Variants in HELB observed in about 807,000 individuals in gnomAD.
HELB encodes the protein DNA helicase B.
In HELB, 96 loss-of-function variants were observed where a neutral mutation model predicts 101.7. The ratio of observed to expected loss-of-function variants is 0.94; its 90% CI spans 0.80 to 1.12. The LOEUF (loss-of-function observed/expected upper bound fraction) is 1.12, where lower values mean the gene tolerates loss of function less well. Among genes scored for constraint, HELB ranks in the 50% most tolerant of loss-of-function variants. The pLI is 0.00. For synonymous variants in HELB, 437 were observed against 459.7 expected, an observed-to-expected ratio of 0.95 and a Z score of 0.63; for missense variants, 1,210 against 1,291.9, an observed-to-expected ratio of 0.94 and a Z score of 0.97.
chr12:66,302,520 A>T lies in HELB; in HGVS notation c.-84A>T. On this transcript the variant is annotated 5_prime_UTR_variant, in exon 1 of 13. Coordinates refer to ENST00000247815, the MANE Select transcript of HELB (RefSeq NM_001370285.1). ...GCCGTTCCCGGAAGTTGATGGCCTT[A>T]CAGTCGTAGAACTGATTGGCTGATC... is the stretch of plus-strand genomic sequence containing the variant. 7.8e-7 allele frequency: 1 copy of T among 1,275,932 alleles called. No individual in the cohort carries two copies. Among genetic ancestry groups the T allele is most frequent in the Non-Finnish European group, 1.1e-6 (1 of 922,150 alleles). 79.0% of individuals were successfully genotyped at this position (1,275,932 alleles called of 1,614,324 possible).
chr12:66,330,759 T>C (rs1451034116), intron 11 of HELB, among the ~76,000 whole-genome samples: 2 of 149,952 alleles, frequency 1.3e-5, no homozygotes, highest in Non-Finnish European at 3.0e-5. Flanking sequence ...ATATAATATA[T>C]CTATATGTTT....
Position 66,306,412 on chromosome 12 carries a change from GC to G in HELB, c.677del (p.Pro226LeufsTer8). On this transcript the variant is annotated frameshift_variant, in exon 3 of 13. Transcript: ENST00000247815. LOFTEE classifies it high-confidence loss of function. ...TAATGGAATTCCTTCCAGTTCTTCT[GC>G]CTCGACACTTTAAATGGATCATAGG... ...KIMEFLPVLL[P>X]RHFKWIIGSG... 6.2e-7 allele frequency: 1 copy of G among 1,609,624 alleles called. No individual in the cohort carries two copies. The highest frequency in any genetic ancestry group is 1.1e-5 in the South Asian group (1 of 90,244).
Position 66,324,180 on chromosome 12 carries a change from T to A in HELB, c.2495T>A (p.Leu832Gln), listed in dbSNP as rs1226007704. The A allele has an allele frequency of 6.2e-7, 1 of 1,612,814 alleles. No homozygotes were observed. The highest frequency in any genetic ancestry group is 1.7e-5 in the Admixed American group (1 of 59,994). Residue 832 changes from leucine to glutamine, a missense_variant, in exon 10 of 13, where the codon CTG (leucine) becomes CAG (glutamine). Transcript: ENST00000247815. Reference protein sequence around the residue: ...NKRDFESNVRLCNGEIFFITN... With the variant: ...NKRDFESNVRQCNGEIFFITN... ...CGTGACTTTGAAAGTAACGTTCGAC[T>A]GTGCAATGGAGAGATATTTTTCATA...
chr12:66,331,577 C>T lies in HELB; in HGVS notation c.3094C>T (p.Pro1032Ser), dbSNP rs760164483. ...TGGAGTAGATACAGATGATGATTTA[C>T]CAAAATCGCGAGCATCCAAAAGAAC... is the stretch of plus-strand genomic sequence containing the variant. The part of the protein sequence containing the change: ...PDGVDTDDDL[P>S]KSRASKRTCG... The change falls in exon 12 of 13, where the codon CCA (proline) becomes TCA (serine). Residue 1032 changes from proline to serine, a missense_variant. Transcript: ENST00000247815. 5.0e-6 allele frequency: 8 copies of T among 1,612,952 alleles called. No homozygotes were observed. The highest frequency in any genetic ancestry group is 6.8e-6 in the Non-Finnish European group (8 of 1,179,958).
At position 66,302,649 on chromosome 12, in the gene HELB, C is replaced by T. The variant is rs770460070; in HGVS notation, c.46C>T (p.Leu16Phe). ...PYLRQLQGPL[L>F]PPRDLVEEDD... ...CCTGCGCCAACTTCAGGGACCTCTG[C>T]TCCCACCCAGGGATCTGGTGGAGGA... is the stretch of plus-strand genomic sequence containing the variant. Residue 16 changes from leucine (L) to phenylalanine (F), a missense_variant, in exon 1 of 13, where the codon CTC becomes TTC. By Grantham distance (22) the Leu-to-Phe change is conservative. Transcript: ENST00000247815. 4 of 1,614,138 alleles carry T rather than the reference C, an allele frequency of 2.5e-6. No homozygotes were observed. The highest frequency in any genetic ancestry group is 3.4e-6 in the Non-Finnish European group (4 of 1,179,990).
chr12:66,326,768 A>G (rs923119703), intron 11 of HELB, among the ~76,000 whole-genome samples: 15 of 150,118 alleles, frequency 1.0e-4, no homozygotes, highest in African/African-American at 3.7e-4. Flanking sequence ...GTGGTGGCTC[A>G]CGCTTGTAAT....
chr12:66,325,857 T>C (rs752084313), intron 11 of HELB, among the ~76,000 whole-genome samples: 14 of 152,136 alleles, frequency 9.2e-5, no homozygotes, highest in Non-Finnish European at 1.8e-4. Context: ...TGAGGCAACC[T>C]TTTATCCCCC....
intron 12 of HELB, among the ~76,000 whole-genome samples, chr12:66,335,004 G>T (rs184170574): frequency 6.6e-5 from 10 of 152,218 alleles, no homozygotes; most frequent in Admixed American, 5.9e-4. Context: ...AGGTAAAAGA[G>T]AAAGTAATCC....
chr12:66,323,864 T>C, intron 9 of HELB, 119 bp from the exon 10 acceptor site: 1 of 686,958 alleles, frequency 1.5e-6, no homozygotes. Context: ...GAAAGTGTTG[T>C]AAATAAAATG....
Position 66,309,717 on chromosome 12 carries a change from AGAGT to A in HELB, c.791_794del (p.Glu264GlyfsTer11). On this transcript the variant is annotated frameshift_variant, in exon 4 of 13. Coordinates refer to ENST00000247815, the MANE Select transcript of HELB (RefSeq NM_001370285.1). LOFTEE classifies it high-confidence loss of function. ...TTTATTTCTTAAAGATAACCTACAG[AGAGT>A]GGAAACTCCTGCGATGTGAGGCAAG... is the stretch of plus-strand genomic sequence containing the variant. 6.2e-7 allele frequency: 1 copy of A among 1,604,438 alleles called. No individual in the cohort carries two copies. Among genetic ancestry groups the A allele is most frequent in the South Asian group, 1.1e-5 (1 of 90,152 alleles).
chr12:66,337,321 A>G (rs1446500999), intron 12 of HELB, among the ~76,000 whole-genome samples: 5 of 152,166 alleles, frequency 3.3e-5, no homozygotes, highest in Admixed American at 6.5e-5. Flanking sequence ...TCTCAGGAAA[A>G]TATCTTTTTC....
In HELB at chr12:66,324,030, G is replaced by T. The variant is rs375704546; in HGVS notation, c.2345G>T (p.Cys782Phe). The change falls in exon 10 of 13, where the codon TGT (cysteine) becomes TTT (phenylalanine). Residue 782 changes from cysteine to phenylalanine, a missense_variant. Cys to Phe is a radical substitution (Grantham distance 205). Coordinates refer to ENST00000247815, the MANE Select transcript of HELB (RefSeq NM_001370285.1). ...LVFGIGDKIC[C>F]TRNAYLSDLL... ...TTTGGAATTGGTGATAAAATTTGTT[G>T]TACCAGGAATGCATACCTCTCAGAC... 2.6e-5 allele frequency: 42 copies of T among 1,613,396 alleles called. No individual in the cohort carries two copies. The highest frequency in any genetic ancestry group is 3.4e-5 in the Non-Finnish European group (40 of 1,179,606).
chr12:66,320,927 A>G (rs1282309042), intron 7 of HELB, among the ~76,000 whole-genome samples: 1 of 152,192 alleles, frequency 6.6e-6, no homozygotes, highest in Non-Finnish European at 1.5e-5. Context: ...AAGTGAAAAA[A>G]GGTATGGAAC....
At chr12:66,307,126 G>A (rs2053486010) in intron 3 of HELB, among the ~76,000 whole-genome samples, 1 of 152,106 alleles carries the variant, frequency 6.6e-6, no homozygotes, top group Admixed American at 6.5e-5. Context: ...CTTATAAGGT[G>A]GTTTTGCAAA....
chr12:66,331,707 A>G (rs2053811649), intron 12 of HELB, 62 bp downstream of exon 12: 1 of 1,431,212 alleles, frequency 7.0e-7, no homozygotes, highest in Admixed American at 2.0e-5. Flanking sequence ...CGGTGTGCTT[A>G]TAAATGACTG....
In HELB at chr12:66,315,399, G is replaced by T; in HGVS notation, c.2000+16G>T. ...ATGCTACAAGGTATAATATTACTAA[G>T]AGTTTGCATTTTCTGTCTGTTGTAT... On this transcript the variant is annotated intron_variant, in intron 6 of 12. Coordinates refer to ENST00000247815, the MANE Select transcript of HELB (RefSeq NM_001370285.1). 1 of 1,490,778 alleles carries T rather than the reference G, an allele frequency of 6.7e-7. No individual in the cohort carries two copies. The highest frequency in any genetic ancestry group is 1.4e-5 in the South Asian group (1 of 71,546). The allele number at this position is 1,490,778 out of a possible 1,614,324, so 92.3% of individuals were successfully genotyped here. A position where few individuals can be genotyped will look rare whatever the true frequency, so the allele number is the denominator to read the frequency against.
intron 2 of HELB, among the ~76,000 whole-genome samples, chr12:66,305,944 CAATG>C (rs1218637129): frequency 1.3e-5 from 2 of 151,908 alleles, no homozygotes; most frequent in African/African-American, 4.8e-5. Context: ...GATGGTACAT[CAATG>C]AATGATTTCA....
chr12:66,340,015 G>A (rs2053905800), downstream of HELB: 1 of 152,204 alleles, frequency 6.6e-6, no homozygotes, highest in African/African-American at 2.4e-5. Flanking sequence ...CCATTCATCA[G>A]TTGATGGACA....
chr12:66,304,163 C>T (rs902184884), intron 1 of HELB, among the ~76,000 whole-genome samples: 2 of 152,122 alleles, frequency 1.3e-5, no homozygotes, highest in Non-Finnish European at 2.9e-5. Context: ...TGAAGCTTAC[C>T]CTCTAGTGTA....
Sources: gnomAD v4.1 joint callset for allele counts (sites outside exome capture counted in the v4.1 genomes callset) on GRCh38, gnomAD v4.1.1 for gene constraint, MANE v1.5 for transcripts, NCBI Gene and HGNC (gene_info 2026-07-23, HGNC 2026-07-21) for gene names.